The following FBXL17 variants were observed in gnomAD, a reference collection of about 807,000 sequenced individuals.
The protein encoded by FBXL17 is F-box and leucine rich repeat protein 17, also known as F-box/LRR-repeat protein 17.
A neutral mutation model predicts 66.2 loss-of-function variants in FBXL17; 22 were observed. The observed-to-expected ratio is 0.33, with a 90% CI of 0.24 to 0.47. The LOEUF (loss-of-function observed/expected upper bound fraction) is 0.47, where lower values mean the gene tolerates loss of function less well. Ranked by LOEUF, FBXL17 falls within the 20% of genes least tolerant of loss-of-function variation. The probability of loss-of-function intolerance (pLI) is 1.00; values close to 1 mark genes in which losing one functional copy is unlikely to be tolerated. For missense variants in FBXL17, 878 were observed against 948.2 expected (o/e 0.93, Z 0.97); for synonymous variants, 474 against 400.5 (o/e 1.18, Z -2.19).
intron 6 of FBXL17, among the ~76,000 whole-genome samples, chr5:108,046,331 G>A (rs748800588): frequency 2.6e-4 from 40 of 151,968 alleles, no homozygotes; most frequent in Non-Finnish European, 2.1e-4. Flanking sequence ...TGCCTATATT[G>A]TTATAGTTCA....
At chr5:108,305,662 T>C (rs1758802832) in intron 4 of FBXL17, among the ~76,000 whole-genome samples, 1 of 152,006 alleles carries the variant, frequency 6.6e-6, no homozygotes, top group Non-Finnish European at 1.5e-5. Flanking sequence ...TAGCTAAGAC[T>C]ACAAGTTCAG....
chr5:108,299,335 A>G, intron 4 of FBXL17: 1 of 984,782 alleles, frequency 1.0e-6, no homozygotes, highest in Non-Finnish European at 1.2e-6. Context: ...TCAAGATACC[A>G]TTAAAGTATA....
intron 4 of FBXL17, among the ~76,000 whole-genome samples, chr5:108,229,404 A>G (rs1755232099): frequency 6.6e-6 from 1 of 152,214 alleles, no homozygotes; most frequent in South Asian, 2.1e-4. Context: ...GAACCCAGAA[A>G]TAAACTCAAA....
chr5:108,060,345 G>A (rs1375245262), intron 6 of FBXL17, among the ~76,000 whole-genome samples: 2 of 152,048 alleles, frequency 1.3e-5, no homozygotes, highest in African/African-American at 4.8e-5. Flanking sequence ...TGGTAAAGAG[G>A]CAGTGAGATT....
intron 4 of FBXL17, among the ~76,000 whole-genome samples, chr5:108,310,923 A>T (rs1442194059): frequency 6.6e-6 from 1 of 152,198 alleles, no homozygotes; most frequent in African/African-American, 2.4e-5. Flanking sequence ...GTTGAGATTT[A>T]ATCTCCTCTC....
intron 3 of FBXL17, among the ~76,000 whole-genome samples, chr5:108,361,169 T>A (rs1748315164): frequency 6.6e-6 from 1 of 152,158 alleles, no homozygotes; most frequent in Admixed American, 6.6e-5. Flanking sequence ...TGTAATTTAT[T>A]GTTGAAAACT....
At chr5:108,348,018 G>C (rs777350217) in intron 4 of FBXL17, among the ~76,000 whole-genome samples, 12 of 151,752 alleles carry the variant, frequency 7.9e-5, no homozygotes, top group Non-Finnish European at 1.8e-4. Context: ...CATTTTTCTG[G>C]ACAATAAAAA....
chr5:108,260,795 G>A (rs544124050), intron 4 of FBXL17, among the ~76,000 whole-genome samples: 19 of 152,088 alleles, frequency 1.2e-4, no homozygotes, highest in African/African-American at 3.1e-4. Context: ...GAAAGATTCC[G>A]CTCTGTGCCC....
chr5:108,120,081 G>A (rs1423164736), intron 6 of FBXL17, among the ~76,000 whole-genome samples: 2 of 152,168 alleles, frequency 1.3e-5, no homozygotes, highest in Non-Finnish European at 2.9e-5. Context: ...TAGGCACTAG[G>A]TGAAACGAAA....
chr5:107,868,992 C>T (rs1748366933), intron 8 of FBXL17, among the ~76,000 whole-genome samples: 1 of 152,204 alleles, frequency 6.6e-6, no homozygotes, highest in Admixed American at 6.5e-5. Context: ...TGAAATAGCT[C>T]TGCTTTGAGA....
chr5:108,012,073 C>T (rs1036835668), intron 7 of FBXL17, among the ~76,000 whole-genome samples: 3 of 152,062 alleles, frequency 2.0e-5, no homozygotes, highest in African/African-American at 4.8e-5. Context: ...ATATGAAAAG[C>T]AGAGAAATTT....
At chr5:108,171,842 A>G (rs2150017146) in intron 6 of FBXL17, among the ~76,000 whole-genome samples, 1 of 152,308 alleles carries the variant, frequency 6.6e-6, no homozygotes, top group Non-Finnish European at 1.5e-5. Context: ...AGGTAATTGA[A>G]TCATGGGGGC....
intron 4 of FBXL17, among the ~76,000 whole-genome samples, chr5:108,291,678 T>G (rs987148033): frequency 1.4e-4 from 21 of 152,334 alleles, no homozygotes; most frequent in Admixed American, 2.6e-4. Flanking sequence ...AACTGCGTAC[T>G]AGACATTCCT....
chr5:107,956,388 GC>G (rs1387793805), intron 7 of FBXL17, among the ~76,000 whole-genome samples: 3 of 152,064 alleles, frequency 2.0e-5, no homozygotes, highest in Non-Finnish European at 2.9e-5. Context: ...AACTTGGCTT[GC>G]CACTTCACTT....
intron 7 of FBXL17, among the ~76,000 whole-genome samples, chr5:108,013,473 T>C (rs1033222023): frequency 2.6e-5 from 4 of 152,206 alleles, no homozygotes; most frequent in African/African-American, 7.2e-5. Flanking sequence ...CTACCTCAAA[T>C]GCCCTTCCTT....
intron 8 of FBXL17, chr5:107,879,205 T>C (rs1030376699): frequency 1.2e-5 from 12 of 985,304 alleles, no homozygotes; most frequent in Non-Finnish European, 1.4e-5. Flanking sequence ...GTTAGAAATA[T>C]GACAATTTCT....
chr5:108,312,149 C>T (rs1759150667), intron 4 of FBXL17, among the ~76,000 whole-genome samples: 1 of 152,094 alleles, frequency 6.6e-6, no homozygotes, highest in South Asian at 2.1e-4. Context: ...ACCAGCATCA[C>T]AGCTTATGTA....
At chr5:108,326,191 T>A (rs1214191196) in intron 4 of FBXL17, among the ~76,000 whole-genome samples, 1 of 152,012 alleles carries the variant, frequency 6.6e-6, no homozygotes, top group Non-Finnish European at 1.5e-5. Flanking sequence ...AACGAAAAGA[T>A]ACACACGTAG....
chr5:108,218,047 T>G (rs1195068140), intron 5 of FBXL17, among the ~76,000 whole-genome samples: 1 of 141,332 alleles, frequency 7.1e-6, no homozygotes, highest in Non-Finnish European at 1.5e-5. Flanking sequence ...AGACAGAGTC[T>G]CACTCTGTCG....
Sources: allele counts gnomAD v4.1 joint callset (sites outside exome capture counted in the v4.1 genomes callset), GRCh38; gene constraint gnomAD v4.1.1; transcripts MANE v1.5; gene names NCBI Gene and HGNC (gene_info 2026-07-23, HGNC 2026-07-21).